The following LAMA4 variants were observed in gnomAD, a reference collection of about 807,000 sequenced individuals.
The protein encoded by LAMA4 is laminin subunit alpha 4.
A neutral mutation model predicts 207.1 loss-of-function variants in LAMA4; 127 were observed. The ratio of observed to expected loss-of-function variants is 0.61; its 90% CI spans 0.53 to 0.71. The LOEUF is 0.71. LAMA4 is among the 30% of genes least tolerant of loss of function. The probability of loss-of-function intolerance (pLI) is 0.00; values close to 1 mark genes in which losing one functional copy is unlikely to be tolerated. For missense variants in LAMA4, 2,093 were observed against 2,246.5 expected, an observed-to-expected ratio of 0.93 and a Z score of 1.38; for synonymous variants, 761 against 816.0, an observed-to-expected ratio of 0.93 and a Z score of 1.15.
chr6:112,108,205 A>G lies in LAMA4; in HGVS notation c.*1232T>C, dbSNP rs587633645. Reference sequence around the variant, plus strand: ...CCCTCAAAAGTTACTCCTTTTATGTATTGTTAATTCTGTTGATATCAGGGC... The same window carrying G: ...CCCTCAAAAGTTACTCCTTTTATGTGTTGTTAATTCTGTTGATATCAGGGC... On this transcript the variant is annotated 3_prime_UTR_variant, in exon 39 of 39. Coordinates refer to ENST00000230538, the MANE Select transcript of LAMA4 (RefSeq NM_001105206.3). Among the ~76,000 whole-genome samples, 10 of 152,084 alleles carry G rather than the reference A, an allele frequency of 6.6e-5. No homozygotes were observed. In the East Asian group the frequency reaches 1.9e-3, roughly 29 times the overall value.
intron 11 of LAMA4, among the ~76,000 whole-genome samples, chr6:112,174,346 C>T (rs1781893203): frequency 6.6e-6 from 1 of 152,222 alleles, no homozygotes; most frequent in Non-Finnish European, 1.5e-5. Context: ...GCCTTCCCGG[C>T]CAGCCCCAGA....
At position 112,216,108 on chromosome 6, in the gene LAMA4, A is replaced by G. The variant is rs116555220; in HGVS notation, c.297+260T>C. On this transcript the variant is annotated intron_variant, in intron 3 of 38. Transcript: ENST00000230538. Reference sequence around the variant, plus strand: ...TTTTCAATCCCACCGCCATTGGTCTACAGCAGGCAACCAGCTGCTGAGGGT... The same window carrying G: ...TTTTCAATCCCACCGCCATTGGTCTGCAGCAGGCAACCAGCTGCTGAGGGT... 0.012 allele frequency among the ~76,000 whole-genome samples: 1,892 copies of G among 152,292 alleles called. 36 individuals carry two copies. Among genetic ancestry groups the G allele is most frequent in the African/African-American group, 0.044 (1,808 of 41,554 alleles).
At chr6:112,190,934 T>TTCTTTCTTTC (rs1783038952) in intron 6 of LAMA4, among the ~76,000 whole-genome samples, 13 of 62,762 alleles carry the variant, frequency 2.1e-4, no homozygotes, top group African/African-American at 7.9e-4. Flanking sequence ...TTTCTTTCTT[T>TTCTTTCTTTC]CTTTCTTTCT....
intron 24 of LAMA4, among the ~76,000 whole-genome samples, chr6:112,138,491 T>A (rs1466037601): frequency 6.6e-6 from 1 of 152,200 alleles, no homozygotes; most frequent in African/African-American, 2.4e-5. Flanking sequence ...TCACTAAAAC[T>A]ATTTTCTTTG....
intron 2 of LAMA4, among the ~76,000 whole-genome samples, chr6:112,249,196 G>A (rs1584020065): frequency 6.6e-6 from 1 of 152,122 alleles, no homozygotes; most frequent in African/African-American, 2.4e-5. Context: ...TGTAATCCCA[G>A]CACTTTGGGA....
intron 31 of LAMA4, among the ~76,000 whole-genome samples, chr6:112,123,206 C>T (rs1778480898): frequency 6.6e-6 from 1 of 152,046 alleles, no homozygotes; most frequent in Non-Finnish European, 1.5e-5. Context: ...CAAGGAAGGC[C>T]TGATAGAAGA....
At chr6:112,138,652 C>T (rs1002231845) in intron 24 of LAMA4, among the ~76,000 whole-genome samples, 12 of 152,002 alleles carry the variant, frequency 7.9e-5, no homozygotes, top group African/African-American at 2.9e-4. Flanking sequence ...CAAGCTTTGA[C>T]TGTTTCATAC....
rs782811911 is a variant in LAMA4 at position 112,108,501 on chromosome 6, C to G, written c.*936G>C. On this transcript the variant is annotated 3_prime_UTR_variant, in exon 39 of 39. Transcript: ENST00000230538. ...AGTCAGCAGTCATAGCTCACTGCAGCCTTGAACTCCTGAGCTTAAGCGATC... is the reference window on the plus strand; with the variant it reads ...AGTCAGCAGTCATAGCTCACTGCAGGCTTGAACTCCTGAGCTTAAGCGATC... Among the ~76,000 whole-genome samples, 1 of 152,128 alleles carries G rather than the reference C, an allele frequency of 6.6e-6. No homozygotes were observed. Among genetic ancestry groups the G allele is most frequent in the African/African-American group, 2.4e-5 (1 of 41,498 alleles).
At chr6:112,186,792 T>C (rs1460436825) in intron 8 of LAMA4, 1 of 451,030 alleles carries the variant, frequency 2.2e-6, no homozygotes, top group Non-Finnish European at 4.4e-6. Context: ...CTATCTGTGA[T>C]TGGTTGAATC....
chr6:112,175,344 G>A lies in LAMA4; in HGVS notation c.1326C>T (p.Leu442=), dbSNP rs3752580. Residue 442 remains leucine, a synonymous_variant, in exon 11 of 39, where the codon CTC becomes CTT. Transcript: ENST00000230538. The part of the protein sequence containing the change: ...SRQPFFTQRE[L]VDEEADEAYE... ...AAGCCTCATCTGCCTCCTCATCCACGAGCTCCCGTTGGGTGAAAAATGGTT... is the reference window on the plus strand; with the variant it reads ...AAGCCTCATCTGCCTCCTCATCCACAAGCTCCCGTTGGGTGAAAAATGGTT... The A allele has an allele frequency of 2.2e-4, 363 of 1,614,140 alleles. 1 individual carries two copies. The East Asian group carries it at 7.4e-3, about 33-fold the overall frequency.
At position 112,141,435 on chromosome 6, in the gene LAMA4, A is replaced by G. The variant is rs2114703980; in HGVS notation, c.2736T>C (p.Thr912=). 6.2e-7 allele frequency: 1 copy of G among 1,612,946 alleles called. No homozygotes were observed. Among genetic ancestry groups the G allele is most frequent in the East Asian group, 2.2e-5 (1 of 44,876 alleles). The stretch of plus-strand genomic sequence containing the variant: ...AGTCCAGGGGAATCTCCACATCTTT[A>G]GTTCCCAAATTATAGACGTATACCA... The part of the protein sequence containing the change: ...DNLVYVYNLG[T]KDVEIPLDSK... Residue 912 remains threonine (T), a synonymous_variant, in exon 21 of 39, where the codon ACT becomes ACC. Transcript: ENST00000230538.
intron 5 of LAMA4, among the ~76,000 whole-genome samples, chr6:112,197,246 A>T (rs1319194331): frequency 6.6e-6 from 1 of 152,148 alleles, no homozygotes; most frequent in Non-Finnish European, 1.5e-5. Context: ...CGGGGAGTTT[A>T]AAGTGTGAGG....
chr6:112,180,314 A>G (rs904802245), intron 9 of LAMA4, among the ~76,000 whole-genome samples: 1 of 152,240 alleles, frequency 6.6e-6, no homozygotes, highest in African/African-American at 2.4e-5. Flanking sequence ...ACAGGTAGAT[A>G]GAGATATATA....
chr6:112,165,549 G>A (rs1479422030), intron 12 of LAMA4, among the ~76,000 whole-genome samples: 1 of 152,228 alleles, frequency 6.6e-6, no homozygotes, highest in East Asian at 1.9e-4. Context: ...TAGCGCCTTA[G>A]AGAGGGCATT....
chr6:112,175,499 T>C lies in LAMA4; in HGVS notation c.1190-19A>G. ...TTGATCTCTGAAAGGAAGAACATGG[T>C]GAAACAAGGCAGCAGGGAGAGATGA... On this transcript the variant is annotated intron_variant, in intron 10 of 38. Transcript: ENST00000230538. 6.2e-7 allele frequency: 1 copy of C among 1,613,706 alleles called. No homozygotes were observed. The highest frequency in any genetic ancestry group is 8.5e-7 in the Non-Finnish European group (1 of 1,179,848).
At position 112,117,925 on chromosome 6, in the gene LAMA4, T is replaced by G; in HGVS notation, c.4822-27A>C. On this transcript the variant is annotated intron_variant, in intron 34 of 38. Coordinates refer to ENST00000230538, the MANE Select transcript of LAMA4 (RefSeq NM_001105206.3). This position sits in a 1 kb window ranked among gnomAD's most constrained non-coding sequence, Gnocchi z 4.5. ...TGAGGGAAGAAGATATTTCTTAAAA[T>G]CAATTTTCTCAACACAAATGCACCA... 5 of 1,605,630 alleles carry G rather than the reference T, an allele frequency of 3.1e-6. No homozygotes were observed. Among genetic ancestry groups the G allele is most frequent in the Non-Finnish European group, 4.3e-6 (5 of 1,173,296 alleles).
chr6:112,141,398 T>G lies in LAMA4; in HGVS notation c.2773A>C (p.Ser925Arg). ...ATGCTGAAGTAAGCAGGCCAGGAAC[T>G]GACGGGCTTGGAGTCCAGGGGAATC... is the stretch of plus-strand genomic sequence containing the variant. ...VEIPLDSKPV[S>R]SWPAYFSIVK... The change falls in exon 21 of 39, where the codon AGT becomes CGT. Residue 925 changes from serine (S) to arginine (R), a missense_variant. Coordinates refer to ENST00000230538, the MANE Select transcript of LAMA4 (RefSeq NM_001105206.3). 1.2e-6 allele frequency: 2 copies of G among 1,614,198 alleles called. No homozygotes were observed. Among genetic ancestry groups the G allele is most frequent in the Non-Finnish European group, 1.7e-6 (2 of 1,180,000 alleles).
rs1778266837 is a variant in LAMA4, at chr6:112,120,225, T to C, written c.4665+58A>G. 1.0e-5 allele frequency: 14 copies of C among 1,335,240 alleles called. No individual in the cohort carries two copies. The East Asian group carries it at 3.2e-4, about 31-fold the overall frequency. 82.7% of individuals were successfully genotyped at this position (1,335,240 alleles called of 1,614,324 possible). A position where few individuals can be genotyped will look rare whatever the true frequency, so the allele number is the denominator to read the frequency against. On this transcript the variant is annotated intron_variant, in intron 33 of 38. Coordinates refer to ENST00000230538, the MANE Select transcript of LAMA4 (RefSeq NM_001105206.3). ...AGAGAGAGTAATGGAGGCCCATTAGTGTCCATTTGACAATGGTAGCTATTT... is the reference window on the plus strand; with the variant it reads ...AGAGAGAGTAATGGAGGCCCATTAGCGTCCATTTGACAATGGTAGCTATTT...
intron 2 of LAMA4, chr6:112,216,838 G>T (rs1467837723): frequency 3.1e-6 from 1 of 326,596 alleles, no homozygotes. Context: ...CCACAATTAA[G>T]TATTAGTCAG....
Sources: gnomAD v4.1 joint callset for allele counts (sites outside exome capture counted in the v4.1 genomes callset) on GRCh38, gnomAD v4.1.1 for gene constraint, Gnocchi (gnomAD v3.1) non-coding constraint, MANE v1.5 for transcripts, NCBI Gene and HGNC (gene_info 2026-07-23, HGNC 2026-07-21) for gene names.